The following SMG6 variants were observed in gnomAD, a reference collection of about 807,000 sequenced individuals.
The protein encoded by SMG6 is SMG6 nonsense mediated mRNA decay factor.
A neutral mutation model predicts 142.2 loss-of-function variants in SMG6; 66 were observed. The observed-to-expected ratio is 0.46, with a 90% CI of 0.38 to 0.57. The LOEUF (loss-of-function observed/expected upper bound fraction) is 0.57. Ranked by LOEUF, SMG6 falls within the 20% of genes least tolerant of loss-of-function variation. The pLI, the probability that SMG6 is intolerant of heterozygous loss-of-function variation, is 0.00. For synonymous variants in SMG6, 779 were observed against 702.4 expected, an observed-to-expected ratio of 1.11 and a Z score of -1.72; for missense variants, 1,793 against 1,832.0, an observed-to-expected ratio of 0.98 and a Z score of 0.39.
At chr17:2,273,346 G>A (rs1256079203) in intron 8 of SMG6, among the ~76,000 whole-genome samples, 1 of 152,116 alleles carries the variant, frequency 6.6e-6, no homozygotes, top group Non-Finnish European at 1.5e-5. Flanking sequence ...AGACACCCTG[G>A]CTCTACTCAA....
At chr17:2,157,165 C>T (rs2151615256) in intron 13 of SMG6, among the ~76,000 whole-genome samples, 1 of 152,288 alleles carries the variant, frequency 6.6e-6, no homozygotes, top group East Asian at 1.9e-4. Flanking sequence ...CCAGACTGCA[C>T]ACGGGGCCAC....
chr17:2,218,451 A>G (rs9897624), intron 10 of SMG6, among the ~76,000 whole-genome samples: 56,991 of 151,938 alleles, frequency 0.38, 10,996 homozygotes, highest in African/African-American at 0.44. Context: ...GAAGGCTGAG[A>G]CAGGAGAATG....
intron 13 of SMG6, among the ~76,000 whole-genome samples, chr17:2,170,761 A>G (rs2071479139): frequency 6.6e-6 from 1 of 152,228 alleles, no homozygotes; most frequent in South Asian, 2.1e-4. Context: ...TAGAACCTTA[A>G]TCTACTTACA....
chr17:2,209,442 A>G (rs1031707013), intron 10 of SMG6, among the ~76,000 whole-genome samples: 8 of 152,008 alleles, frequency 5.3e-5, no homozygotes, highest in Admixed American at 3.9e-4. Context: ...TCGGCTCTGC[A>G]ACCTCCACCT....
intron 13 of SMG6, among the ~76,000 whole-genome samples, chr17:2,142,826 T>C (rs180728244): frequency 2.9e-4 from 42 of 145,712 alleles, no homozygotes; most frequent in African/African-American, 8.9e-4. Flanking sequence ...AGGCGGAGGT[T>C]GCGGTGAGCC....
chr17:2,256,497 C>T (rs967594079), intron 8 of SMG6, among the ~76,000 whole-genome samples: 5 of 152,084 alleles, frequency 3.3e-5, no homozygotes, highest in Non-Finnish European at 7.4e-5. Flanking sequence ...CACGGTGGGT[C>T]ACGCCTGTAA....
At chr17:2,286,460 T>TAAAGTGAC (rs2074907557) in intron 6 of SMG6, among the ~76,000 whole-genome samples, 1 of 151,926 alleles carries the variant, frequency 6.6e-6, no homozygotes, top group Non-Finnish European at 1.5e-5. Flanking sequence ...AACCCACATA[T>TAAAGTGAC]AAAGTGACTT....
chr17:2,140,671 C>CAAAA (rs10635640), intron 13 of SMG6, among the ~76,000 whole-genome samples: 5 of 107,410 alleles, frequency 4.7e-5, no homozygotes, highest in South Asian at 3.0e-4. Context: ...GATTCCATCT[C>CAAAA]AAAAAAAAAA....
chr17:2,170,579 A>C (rs1049171360), intron 13 of SMG6, among the ~76,000 whole-genome samples: 1 of 152,212 alleles, frequency 6.6e-6, no homozygotes, highest in African/African-American at 2.4e-5. Flanking sequence ...ACATACTACA[A>C]ATCCCCATTA....
At chr17:2,258,021 A>AT (rs1438073633) in intron 8 of SMG6, among the ~76,000 whole-genome samples, 20 of 83,378 alleles carry the variant, frequency 2.4e-4, no homozygotes, top group East Asian at 2.1e-3. Flanking sequence ...AAAAAAAAAA[A>AT]AAAAAAAAAA....
At chr17:2,258,235 T>C (rs1174889739) in intron 8 of SMG6, among the ~76,000 whole-genome samples, 1 of 151,938 alleles carries the variant, frequency 6.6e-6, no homozygotes, top group Non-Finnish European at 1.5e-5. Flanking sequence ...GCCTAGAGCC[T>C]GAGCTCTTTA....
intron 2 of SMG6, among the ~76,000 whole-genome samples, chr17:2,298,482 G>A (rs955304650): frequency 6.6e-6 from 1 of 152,156 alleles, no homozygotes; most frequent in African/African-American, 2.4e-5. Context: ...CACTTTGGGA[G>A]GCCGAGGCAG....
chr17:2,225,514 G>A (rs190239394), intron 10 of SMG6, among the ~76,000 whole-genome samples: 1 of 151,662 alleles, frequency 6.6e-6, no homozygotes, highest in East Asian at 1.9e-4. Flanking sequence ...AAAAATATAG[G>A]TGCGTTTGAA....
chr17:2,253,385 C>T (rs1398404068), intron 8 of SMG6, among the ~76,000 whole-genome samples: 4 of 151,972 alleles, frequency 2.6e-5, no homozygotes, highest in East Asian at 1.9e-4. Flanking sequence ...CCTCCTGATC[C>T]GCCCGCCTCG....
chr17:2,236,701 TCACACACA>T (rs71150853), intron 9 of SMG6, 64 bp from the exon 10 acceptor site: 98,046 of 953,056 alleles, frequency 0.1, 3,877 homozygotes, highest in African/African-American at 0.13. Flanking sequence ...TCACTCTGTC[TCACACACA>T]CACACACACA....
intron 8 of SMG6, among the ~76,000 whole-genome samples, chr17:2,253,135 A>ATTTATTTAT (rs2074085385): frequency 6.7e-6 from 1 of 148,668 alleles, no homozygotes; most frequent in Non-Finnish European, 1.5e-5. Flanking sequence ...TTATTTATTT[A>ATTTATTTAT]TTTATTTATT....
chr17:2,244,339 C>T, intron 9 of SMG6, among the ~76,000 whole-genome samples: 1 of 146,562 alleles, frequency 6.8e-6, no homozygotes, highest in East Asian at 2.4e-4. Context: ...TGCCCTGAGG[C>T]ACTCACTAGG....
Position 2,300,058 on chromosome 17 carries a change from T to C in SMG6, c.695A>G (p.Asp232Gly). ...GGAGCCCGGCCTCCCGCGGGCTGGGTCGTCGTGGGTTTCCCTCACCCCCTC... is the reference window on the plus strand; with the variant it reads ...GGAGCCCGGCCTCCCGCGGGCTGGGCCGTCGTGGGTTTCCCTCACCCCCTC... ...KGEGVRETHD[D>G]PARGRPGSAK... Residue 232 changes from aspartate (D) to glycine (G), a missense_variant, in exon 2 of 19, where the codon GAC (aspartate) becomes GGC (glycine). This residue lies in a region of SMG6 where 1,597 missense variants were observed against 1,584.6 expected (regional missense o/e 1.01). Transcript: ENST00000263073. 2 of 1,614,158 alleles carry C rather than the reference T, an allele frequency of 1.2e-6. No individual in the cohort carries two copies. The highest frequency in any genetic ancestry group is 1.7e-6 in the Non-Finnish European group (2 of 1,180,000).
At chr17:2,091,570 A>AG (rs1478257685) in intron 13 of SMG6, among the ~76,000 whole-genome samples, 3 of 151,932 alleles carry the variant, frequency 2.0e-5, no homozygotes, top group Non-Finnish European at 4.4e-5. Context: ...ATACTGTCCA[A>AG]GGGATCAATT....
Sources: gnomAD v4.1 joint callset for allele counts (sites outside exome capture counted in the v4.1 genomes callset) on GRCh38, gnomAD v4.1.1 for gene constraint, gnomAD v4.1.1 regional missense constraint, MANE v1.5 for transcripts, NCBI Gene and HGNC (gene_info 2026-07-23, HGNC 2026-07-21) for gene names.